Variants in IQCH observed in about 807,000 individuals in gnomAD.
The protein encoded by IQCH is IQ domain-containing protein H.
Under a neutral mutation model 117.0 loss-of-function variants are expected in IQCH, and 98 were observed. The ratio of observed to expected loss-of-function variants is 0.84; its 90% CI spans 0.71 to 0.99. IQCH has a LOEUF of 0.99. Among genes scored for constraint, IQCH ranks in the 50% least tolerant of loss-of-function variants. The probability of loss-of-function intolerance (pLI) is 0.00; values close to 1 mark genes in which losing one functional copy is unlikely to be tolerated. For synonymous variants in IQCH, 412 were observed against 448.2 expected, an observed-to-expected ratio of 0.92 and a Z score of 1.02; for missense variants, 1,102 against 1,243.8, an observed-to-expected ratio of 0.89 and a Z score of 1.72.
In IQCH at chr15:67,354,343, C is replaced by A. The variant is rs76517906; in HGVS notation, c.638-3002C>A. On this transcript the variant is annotated intron_variant, in intron 6 of 20. Coordinates refer to ENST00000335894, the MANE Select transcript of IQCH (RefSeq NM_001031715.3). The stretch of plus-strand genomic sequence containing the variant: ...TAACATATTTAAAAAGAAAAAACCT[C>A]ATGGTCTCAATATATACCAAAAGAA... Among the ~76,000 whole-genome samples, 161 of 152,142 alleles carry A rather than the reference C, an allele frequency of 1.1e-3. 1 individual carries two copies. The East Asian group carries it at 0.026, about 24-fold the overall frequency.
Position 67,475,184 on chromosome 15 carries a change from T to C in IQCH, c.2677-512T>C, listed in dbSNP as rs1005106309. 6.6e-6 allele frequency among the ~76,000 whole-genome samples: 1 copy of C among 152,192 alleles called. No individual in the cohort carries two copies. The highest frequency in any genetic ancestry group is 1.5e-5 in the Non-Finnish European group (1 of 68,026). On this transcript the variant is annotated intron_variant, in intron 17 of 20. Transcript: ENST00000335894. The surrounding 1 kb of genome is among the most constrained non-coding windows in gnomAD (Gnocchi z 5.7). ...GAAATAAAGTATGGATTTATGTTAA[T>C]AGTAATGTAGGGCCAGGTGTGGTGG... is the stretch of plus-strand genomic sequence containing the variant.
chr15:67,299,987 T>G (rs953163976), intron 4 of IQCH, among the ~76,000 whole-genome samples: 4 of 152,166 alleles, frequency 2.6e-5, no homozygotes, highest in Non-Finnish European at 5.9e-5. Flanking sequence ...CATTGATGTT[T>G]ACTTTAATAC....
At chr15:67,296,808 A>G (rs957207019) in intron 4 of IQCH, among the ~76,000 whole-genome samples, 4 of 152,158 alleles carry the variant, frequency 2.6e-5, no homozygotes, top group Admixed American at 1.3e-4. Context: ...AAGTCACTTA[A>G]CCAATTATCC....
In IQCH at chr15:67,261,460, G is replaced by T. The variant is rs555424157; in HGVS notation, c.174+66G>T. 4.1e-4 allele frequency: 572 copies of T among 1,385,104 alleles called. 9 individuals carry two copies. In the South Asian group the frequency reaches 6.4e-3, roughly 16 times the overall value. The allele number at this position is 1,385,104 out of a possible 1,614,324, so 85.8% of individuals were successfully genotyped here. A position where few individuals can be genotyped will look rare whatever the true frequency, so the allele number is the denominator to read the frequency against. ...AAGCATCCTCTAGAAGAAAGGAATTGCAGTTCTCATAGAGTCCTGCATAAT... is the reference window on the plus strand; with the variant it reads ...AAGCATCCTCTAGAAGAAAGGAATTTCAGTTCTCATAGAGTCCTGCATAAT... On this transcript the variant is annotated intron_variant, in intron 2 of 20. Coordinates refer to ENST00000335894, the MANE Select transcript of IQCH (RefSeq NM_001031715.3).
chr15:67,283,673 CCATTT>C (rs1396270322), intron 4 of IQCH, among the ~76,000 whole-genome samples: 1 of 151,904 alleles, frequency 6.6e-6, no homozygotes, highest in Non-Finnish European at 1.5e-5. Context: ...ATTTTTCACT[CCATTT>C]CATTATATAT....
intron 16 of IQCH, among the ~76,000 whole-genome samples, chr15:67,440,888 T>G (rs1044770632): frequency 3.3e-5 from 5 of 151,866 alleles, no homozygotes; most frequent in South Asian, 2.1e-4. Flanking sequence ...GAGAAAGAAA[T>G]AAAGGGCATC....
chr15:67,321,156 T>C (rs7177772), intron 4 of IQCH, among the ~76,000 whole-genome samples: 2 of 151,868 alleles, frequency 1.3e-5, no homozygotes, highest in Admixed American at 6.6e-5. Flanking sequence ...CTGTTTTTTG[T>C]GGGGGATTGG....
Position 67,456,136 on chromosome 15 carries a change from T to G in IQCH, c.2506-8991T>G, listed in dbSNP as rs1287929324. Among the ~76,000 whole-genome samples, 1 of 150,154 alleles carries G rather than the reference T, an allele frequency of 6.7e-6. No individual in the cohort carries two copies. Among genetic ancestry groups the G allele is most frequent in the Non-Finnish European group, 1.5e-5 (1 of 67,436 alleles). On this transcript the variant is annotated intron_variant, in intron 16 of 20. Transcript: ENST00000335894. The surrounding 1 kb of genome is among the most constrained non-coding windows in gnomAD (Gnocchi z 5.1). ...GGAAGCAGAGAAAGCAAGAGTATAT[T>G]AAAAGATTTGTGATTTTTTTTTACA...
chr15:67,498,628 A>AATTT (rs60915720), intron 20 of IQCH, among the ~76,000 whole-genome samples: 1 of 148,780 alleles, frequency 6.7e-6, no homozygotes, highest in African/African-American at 2.5e-5. Context: ...AAAAAAAAAA[A>AATTT]TAAGTTAAAA....
At chr15:67,262,721 C>G (rs1428028830) in intron 2 of IQCH, among the ~76,000 whole-genome samples, 1 of 151,866 alleles carries the variant, frequency 6.6e-6, no homozygotes, top group Middle Eastern at 3.4e-3. Context: ...TGTCTTTTTA[C>G]AAAAAATAAA....
rs75974661 is a variant in IQCH at position 67,456,592 on chromosome 15, A to G, written c.2506-8535A>G. On this transcript the variant is annotated intron_variant, in intron 16 of 20. Coordinates refer to ENST00000335894, the MANE Select transcript of IQCH (RefSeq NM_001031715.3). The surrounding 1 kb of genome is among the most constrained non-coding windows in gnomAD (Gnocchi z 5.1). ...ATTAAAAATCCATTTCATCTATTCCATGAGGATAATCATGGAATATGATTT... is the reference window on the plus strand; with the variant it reads ...ATTAAAAATCCATTTCATCTATTCCGTGAGGATAATCATGGAATATGATTT... Among the ~76,000 whole-genome samples, 437 of 152,330 alleles carry G rather than the reference A, an allele frequency of 2.9e-3. 20 individuals are homozygous for G. In the East Asian group the frequency reaches 0.075, roughly 26 times the overall value.
chr15:67,469,416 C>T (rs2083015482), intron 17 of IQCH, among the ~76,000 whole-genome samples: 4 of 152,214 alleles, frequency 2.6e-5, no homozygotes, highest in Non-Finnish European at 5.9e-5. Context: ...GAAGGGACAT[C>T]TCCTGTACGG....
rs1387995696 is a variant in IQCH, at chr15:67,454,676, T to G, written c.2506-10451T>G. ...CAATAGGTGGGCTTTTGTGACTGGT[T>G]TCTTTCAGTTTCTATAATGTTTTCA... is the stretch of plus-strand genomic sequence containing the variant. On this transcript the variant is annotated intron_variant, in intron 16 of 20. Coordinates refer to ENST00000335894, the MANE Select transcript of IQCH (RefSeq NM_001031715.3). The surrounding 1 kb of genome is among the most constrained non-coding windows in gnomAD (Gnocchi z 5.2). Among the ~76,000 whole-genome samples the G allele has an allele frequency of 6.6e-6, 1 of 152,210 alleles. No individual in the cohort carries two copies. Among genetic ancestry groups the G allele is most frequent in the Non-Finnish European group, 1.5e-5 (1 of 68,036 alleles).
rs922530806 is a variant in IQCH, at chr15:67,404,604, T to C, written c.2097+4299T>C. ...TATATTAATTTCTAAATATGCAGTA[T>C]TTCTTTCTCATAGCTACAATAATAG... On this transcript the variant is annotated intron_variant, in intron 14 of 20. Transcript: ENST00000335894. This position sits in a 1 kb window ranked among gnomAD's most constrained non-coding sequence, Gnocchi z 4.6. 2.0e-5 allele frequency: 3 copies of C among 152,264 alleles called. No homozygotes were observed. Among genetic ancestry groups the C allele is most frequent in the Non-Finnish European group, 4.4e-5 (3 of 68,054 alleles). 9.4% of individuals were successfully genotyped at this position (152,264 alleles called of 1,614,324 possible).
Position 67,493,419 on chromosome 15 carries a change from C to T in IQCH, c.2862-839C>T, listed in dbSNP as rs577551843. The stretch of plus-strand genomic sequence containing the variant: ...TACAGGATAGTTTGCAAGCTATCTC[C>T]GAAATCTTAAAGTGGATGTTCAGGT... On this transcript the variant is annotated intron_variant, in intron 19 of 20. Transcript: ENST00000335894. This position sits in a 1 kb window ranked among gnomAD's most constrained non-coding sequence, Gnocchi z 5.1. Among the ~76,000 whole-genome samples the T allele has an allele frequency of 3.3e-5, 5 of 152,206 alleles. No individual in the cohort carries two copies. Among genetic ancestry groups the T allele is most frequent in the East Asian group, 1.9e-4 (1 of 5,168 alleles).
chr15:67,315,801 C>G (rs755556720), intron 4 of IQCH, among the ~76,000 whole-genome samples: 1 of 152,086 alleles, frequency 6.6e-6, no homozygotes, highest in Non-Finnish European at 1.5e-5. Flanking sequence ...CCACATTGAT[C>G]ATGTATCTGT....
chr15:67,310,642 A>C (rs1270758317), intron 4 of IQCH, among the ~76,000 whole-genome samples: 1 of 152,134 alleles, frequency 6.6e-6, no homozygotes. Context: ...TAGCCATATC[A>C]TGATAGTGTA....
intron 16 of IQCH, among the ~76,000 whole-genome samples, chr15:67,455,615 C>T (rs949316140): frequency 6.6e-6 from 1 of 152,184 alleles, no homozygotes; most frequent in African/African-American, 2.4e-5. Flanking sequence ...GAGGATTTTG[C>T]TTTGCACGAT....
chr15:67,340,435 A>AC lies in IQCH; in HGVS notation c.508+3340_508+3341insC, dbSNP rs1969103630. Among the ~76,000 whole-genome samples, 22 of 45,946 alleles carry AC rather than the reference A, an allele frequency of 4.8e-4. 1 individual carries two copies. Among genetic ancestry groups the AC allele is most frequent in the Admixed American group, 3.1e-3 (20 of 6,364 alleles). 30.1% of individuals were successfully genotyped at this position (45,946 alleles called of 152,430 possible). A position where few individuals can be genotyped will look rare whatever the true frequency, so the allele number is the denominator to read the frequency against. ...GAGAGATACTCCATCTCAAAAAAAAAAAAAAAAAAAAAAAAAAAAAAAAAA... is the reference window on the plus strand; with the variant it reads ...GAGAGATACTCCATCTCAAAAAAAAACAAAAAAAAAAAAAAAAAAAAAAAAA... On this transcript the variant is annotated intron_variant, in intron 5 of 20. Transcript: ENST00000335894.
Sources: gnomAD v4.1 joint callset for allele counts (sites outside exome capture counted in the v4.1 genomes callset) on GRCh38, gnomAD v4.1.1 for gene constraint, Gnocchi (gnomAD v3.1) non-coding constraint, MANE v1.5 for transcripts, NCBI Gene and HGNC (gene_info 2026-07-23, HGNC 2026-07-21) for gene names.